The following LARGE1 variants were observed in gnomAD, a reference collection of about 807,000 sequenced individuals.
The protein encoded by LARGE1 is LARGE xylosyl- and glucuronyltransferase 1.
A neutral mutation model predicts 87.6 loss-of-function variants in LARGE1; 43 were observed. The ratio of observed to expected loss-of-function variants is 0.49; its 90% CI spans 0.38 to 0.63. LARGE1 has a LOEUF of 0.63. Among genes scored for constraint, LARGE1 ranks in the 30% least tolerant of loss-of-function variants. LARGE1 has a pLI of 0.00. For missense variants in LARGE1, 802 were observed against 1,000.2 expected (o/e 0.80, Z 2.67); for synonymous variants, 434 against 394.6 (o/e 1.10, Z -1.18).
chr22:33,562,428 T>G (rs752102675), intron 6 of LARGE1, among the ~76,000 whole-genome samples: 8 of 152,224 alleles, frequency 5.3e-5, no homozygotes, highest in Non-Finnish European at 1.2e-4. Context: ...CAACAGCATC[T>G]AATCTATTCC....
At chr22:33,919,658 G>A (rs555186433) in intron 1 of LARGE1, among the ~76,000 whole-genome samples, 49 of 152,378 alleles carry the variant, frequency 3.2e-4, no homozygotes, top group Non-Finnish European at 5.7e-4. Flanking sequence ...CAGGCTCCGC[G>A]AACCACAGGT....
Position 33,432,266 on chromosome 22 carries a change from C to T in LARGE1, c.788-1G>A. On this transcript the variant is annotated splice_acceptor_variant, in intron 6 of 14. Transcript: ENST00000397394. LOFTEE classifies it high-confidence loss of function. ...TCCACCAAGCCCAGGACTTGCTGACCTGTGAGGTACAGAGAATACAAACAT... is the reference window on the plus strand; with the variant it reads ...TCCACCAAGCCCAGGACTTGCTGACTTGTGAGGTACAGAGAATACAAACAT... 6.2e-7 allele frequency: 1 copy of T among 1,611,330 alleles called. No individual in the cohort carries two copies. Among genetic ancestry groups the T allele is most frequent in the Non-Finnish European group, 8.5e-7 (1 of 1,177,464 alleles).
intron 13 of LARGE1, among the ~76,000 whole-genome samples, chr22:33,279,044 C>G (rs191470957): frequency 2.0e-5 from 3 of 152,216 alleles, no homozygotes; most frequent in Non-Finnish European, 4.4e-5. Context: ...ATGTCCCTGT[C>G]CCCCACACTT....
At chr22:33,672,341 A>G (rs1334852714) in intron 2 of LARGE1, among the ~76,000 whole-genome samples, 2 of 152,202 alleles carry the variant, frequency 1.3e-5, no homozygotes, top group Admixed American at 1.3e-4. Flanking sequence ...CTTCCACCTC[A>G]TTCCTGAGGT....
intron 6 of LARGE1, among the ~76,000 whole-genome samples, chr22:33,466,033 A>G (rs916308203): frequency 6.6e-6 from 1 of 152,160 alleles, no homozygotes; most frequent in African/African-American, 2.4e-5. Context: ...GTGGTAGCCT[A>G]TACGTCCCTA....
intron 11 of LARGE1, among the ~76,000 whole-genome samples, chr22:33,242,274 G>A (rs540781032): frequency 6.6e-6 from 1 of 152,238 alleles, no homozygotes; most frequent in South Asian, 2.1e-4. Flanking sequence ...GTGGAGAGAG[G>A]TGATTCATTC....
the LARGE1 span, among the ~76,000 whole-genome samples, chr22:33,086,563 T>C: frequency 1.4e-5 from 2 of 147,816 alleles, no homozygotes; most frequent in African/African-American, 2.5e-5. Context: ...TTTTTTTTTT[T>C]TTTTTTTTGA....
intron 2 of LARGE1, among the ~76,000 whole-genome samples, chr22:33,736,088 C>T (rs1009709602): frequency 1.3e-5 from 2 of 152,132 alleles, no homozygotes; most frequent in Admixed American, 1.3e-4. Context: ...ATGAATAATG[C>T]TGTCTTGAAA....
At chr22:33,727,978 T>A (rs2083321910) in intron 2 of LARGE1, among the ~76,000 whole-genome samples, 1 of 151,696 alleles carries the variant, frequency 6.6e-6, no homozygotes, top group African/African-American at 2.4e-5. Context: ...AGGGGTCAGG[T>A]AGATGGATCT....
chr22:33,204,089 A>T (rs1924565705), intron 11 of LARGE1, among the ~76,000 whole-genome samples: 1 of 152,164 alleles, frequency 6.6e-6, no homozygotes, highest in Non-Finnish European at 1.5e-5. Flanking sequence ...AACAAAATAA[A>T]TGGTATGCAT....
chr22:33,383,470 G>A (rs2065225151), intron 8 of LARGE1, among the ~76,000 whole-genome samples: 1 of 152,148 alleles, frequency 6.6e-6, no homozygotes, highest in Non-Finnish European at 1.5e-5. Context: ...TGAGGCAGGA[G>A]AATTGCTTGA....
intron 7 of LARGE1, among the ~76,000 whole-genome samples, chr22:33,428,658 C>T (rs1007913120): frequency 1.4e-5 from 2 of 145,176 alleles, no homozygotes; most frequent in Non-Finnish European, 3.0e-5. Flanking sequence ...CACGGTGGCT[C>T]ATGCCTGTAA....
At chr22:33,867,722 C>T (rs573926271) in intron 1 of LARGE1, among the ~76,000 whole-genome samples, 15 of 152,310 alleles carry the variant, frequency 9.8e-5, no homozygotes, top group African/African-American at 3.1e-4. Flanking sequence ...TATTTCAAGT[C>T]CTCTAGTCCC....
At chr22:33,739,162 G>A (rs1404269126) in intron 2 of LARGE1, among the ~76,000 whole-genome samples, 2 of 152,046 alleles carry the variant, frequency 1.3e-5, no homozygotes, top group African/African-American at 4.8e-5. Context: ...GTCCTTTACC[G>A]TGCCAGCCCT....
intron 12 of LARGE1, among the ~76,000 whole-genome samples, chr22:33,289,727 G>A (rs2145965513): frequency 6.6e-6 from 1 of 152,266 alleles, no homozygotes. Context: ...AACAATTCAG[G>A]TGTTGCTCAC....
chr22:33,712,637 AGTGTGTGT>A (rs34754283), intron 2 of LARGE1, among the ~76,000 whole-genome samples: 8,794 of 134,686 alleles, frequency 0.065, 321 homozygotes, highest in Admixed American at 0.11. Flanking sequence ...TGAGGGGTAC[AGTGTGTGT>A]GTGTGTGTGT....
chr22:33,795,688 G>T (rs138175700), intron 1 of LARGE1, among the ~76,000 whole-genome samples: 2,783 of 152,204 alleles, frequency 0.018, 76 homozygotes, highest in African/African-American at 0.063. Context: ...CCCTAAAAAA[G>T]GATGCGTTCA....
intron 1 of LARGE1, among the ~76,000 whole-genome samples, chr22:33,803,707 A>T (rs192510767): frequency 1.1e-3 from 167 of 152,342 alleles, no homozygotes; most frequent in African/African-American, 3.9e-3. Flanking sequence ...CACAGGACAC[A>T]CTTAATTCCT....
At chr22:33,429,198 T>C (rs1745903857) in intron 7 of LARGE1, among the ~76,000 whole-genome samples, 1 of 152,170 alleles carries the variant, frequency 6.6e-6, no homozygotes, top group African/African-American at 2.4e-5. Flanking sequence ...CATGTCTGGA[T>C]GACTCATTCA....
Sources: gnomAD v4.1 joint callset for allele counts (sites outside exome capture counted in the v4.1 genomes callset) on GRCh38, gnomAD v4.1.1 for gene constraint, MANE v1.5 for transcripts, NCBI Gene and HGNC (gene_info 2026-07-23, HGNC 2026-07-21) for gene names.